The following TASP1 variants were observed in gnomAD, a reference collection of about 807,000 sequenced individuals.
The protein encoded by TASP1 is threonine aspartase 1.
Under a neutral mutation model 56.6 loss-of-function variants are expected in TASP1, and 16 were observed. The ratio of observed to expected loss-of-function variants is 0.28; its 90% CI spans 0.19 to 0.43. The LOEUF (loss-of-function observed/expected upper bound fraction) is 0.43, where lower values mean the gene tolerates loss of function less well. Ranked by LOEUF, TASP1 falls within the 20% of genes least tolerant of loss-of-function variation. The pLI is 1.00. For missense variants in TASP1, 393 were observed against 511.6 expected (o/e 0.77, Z 2.24); for synonymous variants, 179 against 184.2 (o/e 0.97, Z 0.23).
chr20:13,229,347 G>A, the TASP1 span, among the ~76,000 whole-genome samples: 2 of 152,168 alleles, frequency 1.3e-5, no homozygotes, highest in Admixed American at 6.5e-5. Flanking sequence ...TCCTTCCAGA[G>A]GCAACCAATT....
At chr20:13,604,816 T>TTA (rs572362083) in intron 4 of TASP1, among the ~76,000 whole-genome samples, 82 of 152,220 alleles carry the variant, frequency 5.4e-4, no homozygotes, top group Middle Eastern at 3.4e-3. Flanking sequence ...TCTGAATGAA[T>TTA]TATATATGTT....
At chr20:13,308,899 T>A in the TASP1 span, among the ~76,000 whole-genome samples, 461 of 152,004 alleles carry the variant, frequency 3.0e-3, 4 homozygotes, top group Non-Finnish European at 4.9e-3. Context: ...CTTTCCACCA[T>A]GTAAGCACAA....
At chr20:13,288,298 T>G in the TASP1 span, among the ~76,000 whole-genome samples, 2 of 152,174 alleles carry the variant, frequency 1.3e-5, no homozygotes, top group Non-Finnish European at 2.9e-5. Context: ...AGTAAGTGTT[T>G]TCTGGGCACC....
the TASP1 span, among the ~76,000 whole-genome samples, chr20:13,226,779 C>T: frequency 2.6e-5 from 4 of 152,214 alleles, no homozygotes; most frequent in Non-Finnish European, 4.4e-5. Flanking sequence ...GCAGAAATTG[C>T]AAGACCTATT....
the TASP1 span, among the ~76,000 whole-genome samples, chr20:13,376,590 TA>T: frequency 5.3e-5 from 8 of 152,258 alleles, no homozygotes; most frequent in East Asian, 7.7e-4. Flanking sequence ...AAATTTAAAA[TA>T]GTTTTTTTTC....
At chr20:13,455,606 T>A (rs1372741229) in intron 11 of TASP1, among the ~76,000 whole-genome samples, 1 of 152,116 alleles carries the variant, frequency 6.6e-6, no homozygotes, top group African/African-American at 2.4e-5. Flanking sequence ...TACAAATGCA[T>A]TACTCATTCT....
At chr20:13,630,458 G>A (rs1015774879) in intron 1 of TASP1, among the ~76,000 whole-genome samples, 1 of 152,072 alleles carries the variant, frequency 6.6e-6, no homozygotes, top group African/African-American at 2.4e-5. Flanking sequence ...GGAGGCTGAG[G>A]CGGGTGGATC....
At chr20:13,513,729 G>A (rs1322670169) in intron 10 of TASP1, among the ~76,000 whole-genome samples, 1 of 152,138 alleles carries the variant, frequency 6.6e-6, no homozygotes, top group Non-Finnish European at 1.5e-5. Context: ...GCTGAAAACT[G>A]TCTATGAACT....
chr20:13,532,510 T>C (rs1468481148), intron 9 of TASP1, among the ~76,000 whole-genome samples: 1 of 151,856 alleles, frequency 6.6e-6, no homozygotes, highest in African/African-American at 2.4e-5. Context: ...CTTTTACTCC[T>C]TTCTTCCACA....
At chr20:13,637,995 G>T (rs1471265630) in intron 1 of TASP1, among the ~76,000 whole-genome samples, 2 of 152,006 alleles carry the variant, frequency 1.3e-5, no homozygotes, top group African/African-American at 4.8e-5. Context: ...TATTTTACAC[G>T]CATACATTAT....
chr20:13,117,925 T>C, the TASP1 span, among the ~76,000 whole-genome samples: 1 of 152,150 alleles, frequency 6.6e-6, no homozygotes, highest in Non-Finnish European at 1.5e-5. Context: ...AAGAGGAGCA[T>C]GTGATGAGTG....
chr20:13,589,047 T>C (rs977637810), intron 4 of TASP1, among the ~76,000 whole-genome samples: 1 of 151,238 alleles, frequency 6.6e-6, no homozygotes, highest in African/African-American at 2.4e-5. Flanking sequence ...GAAGGTATAG[T>C]CTTTCGTGGG....
chr20:13,416,697 G>A (rs764463898), intron 13 of TASP1, among the ~76,000 whole-genome samples: 1 of 152,066 alleles, frequency 6.6e-6, no homozygotes. Context: ...GTACTTTAAT[G>A]CCAAGTAAAC....
chr20:13,550,728 C>T (rs2045956207), intron 8 of TASP1, among the ~76,000 whole-genome samples: 1 of 152,018 alleles, frequency 6.6e-6, no homozygotes, highest in Non-Finnish European at 1.5e-5. Context: ...TCTAAGAGTC[C>T]CTTCCAGTCA....
At chr20:13,531,252 T>A (rs2045206253) in intron 9 of TASP1, among the ~76,000 whole-genome samples, 1 of 151,798 alleles carries the variant, frequency 6.6e-6, no homozygotes, top group South Asian at 2.1e-4. Flanking sequence ...AAGTAACTTG[T>A]TCAAAGTAAG....
At chr20:13,116,361 G>A in the TASP1 span, among the ~76,000 whole-genome samples, 1 of 152,226 alleles carries the variant, frequency 6.6e-6, no homozygotes, top group African/African-American at 2.4e-5. Flanking sequence ...TGGTGAGTGT[G>A]TCTGTGTGTT....
the TASP1 span, among the ~76,000 whole-genome samples, chr20:13,127,461 C>G: frequency 6.6e-6 from 1 of 152,176 alleles, no homozygotes; most frequent in Non-Finnish European, 1.5e-5. Context: ...ATGTGCCTCA[C>G]CCCACCTCCC....
Position 13,429,645 on chromosome 20 carries a change from TGTGTGC to T in TASP1, c.1096+5393_1096+5398del, listed in dbSNP as rs1296874443. ...GTGTGTGTGTGTGTGTCTGTCTGTG[TGTGTGC>T]CTGTCTGTGTGTGTGCTGCCTGCTG... On this transcript the variant is annotated intron_variant, in intron 12 of 13. Coordinates refer to ENST00000337743, the MANE Select transcript of TASP1 (RefSeq NM_017714.3). Among the ~76,000 whole-genome samples, 615 of 145,010 alleles carry T rather than the reference TGTGTGC, an allele frequency of 4.2e-3. 4 individuals carry two copies. The highest frequency in any genetic ancestry group is 0.016 in the African/African-American group (577 of 36,354).
chr20:13,574,461 GA>G (rs2147166328), intron 6 of TASP1, among the ~76,000 whole-genome samples: 1 of 152,202 alleles, frequency 6.6e-6, no homozygotes, highest in African/African-American at 2.4e-5. Flanking sequence ...TGCAAAATAG[GA>G]AGAAAGGTAA....
Sources: gnomAD v4.1 joint callset for allele counts (sites outside exome capture counted in the v4.1 genomes callset) on GRCh38, gnomAD v4.1.1 for gene constraint, MANE v1.5 for transcripts, NCBI Gene and HGNC (gene_info 2026-07-23, HGNC 2026-07-21) for gene names.